Variants in AGRN observed in about 807,000 individuals in gnomAD.
The protein encoded by AGRN is agrin.
In AGRN, 106 loss-of-function variants were observed where a neutral mutation model predicts 211.0. The ratio of observed to expected loss-of-function variants is 0.50; its 90% confidence interval spans 0.43 to 0.59. The LOEUF is 0.59. AGRN is among the 20% of genes least tolerant of loss of function. The probability of loss-of-function intolerance (pLI) is 0.00; values close to 1 mark genes in which losing one functional copy is unlikely to be tolerated. For synonymous variants in AGRN, 1,525 were observed against 1,332.5 expected, an observed-to-expected ratio of 1.14 and a Z score of -3.15; for missense variants, 3,040 against 2,982.6, an observed-to-expected ratio of 1.02 and a Z score of -0.45.
chr1:1,051,400 C>G, intron 31 of AGRN, 31 bp downstream of exon 31: 1 of 1,547,762 alleles, frequency 6.5e-7, no homozygotes, highest in Non-Finnish European at 8.7e-7. Context: ...CCAGCAGGGC[C>G]TCCGGGGCGG....
Position 1,055,209 on chromosome 1 carries a change from C to A in AGRN, c.*228C>A, listed in dbSNP as rs1355716098. 7.5e-6 allele frequency: 5 copies of A among 670,708 alleles called. No homozygotes were observed. The highest frequency in any genetic ancestry group is 1.8e-5 in the African/African-American group (1 of 55,972). The allele number at this position is 670,708 out of a possible 1,614,324, so 41.5% of individuals were successfully genotyped here. On this transcript the variant is annotated 3_prime_UTR_variant, in exon 36 of 36. Coordinates refer to ENST00000379370, the MANE Select transcript of AGRN (RefSeq NM_198576.4). ...GGCAGCCTCAGGACACACACCCCTGCCTCAAGGTGCTGAGCCCCCGCCTTG... is the reference window on the plus strand; with the variant it reads ...GGCAGCCTCAGGACACACACCCCTGACTCAAGGTGCTGAGCCCCCGCCTTG...
At chr1:1,047,289 C>T in intron 19 of AGRN, 38 bp from the exon 20 acceptor site, 2 of 1,564,104 alleles carry the variant, frequency 1.3e-6, no homozygotes, top group Non-Finnish European at 1.7e-6. Context: ...GGATGCCAGG[C>T]AGATGCCAGG....
intron 2 of AGRN, 93 bp from the exon 3 acceptor site, chr1:1,035,184 G>A (rs1356116683): frequency 1.2e-5 from 13 of 1,101,220 alleles, no homozygotes; most frequent in Non-Finnish European, 1.4e-5. Flanking sequence ...GGGGGGGGGT[G>A]GGCAGGGGTG....
chr1:1,029,783 T>TCAG (rs1644613733), intron 2 of AGRN, among the ~76,000 whole-genome samples: 1 of 66,896 alleles, frequency 1.5e-5, no homozygotes, highest in Non-Finnish European at 3.1e-5. Context: ...GAGTGTGAGA[T>TCAG]CGTGTGTGTG....
At chr1:1,023,452 T>A (rs1340641761) in intron 2 of AGRN, among the ~76,000 whole-genome samples, 1 of 152,138 alleles carries the variant, frequency 6.6e-6, no homozygotes, top group Admixed American at 6.5e-5. Context: ...AGGGCCTCAG[T>A]GCAGCACAGA....
At position 1,049,281 on chromosome 1, in the gene AGRN, G is replaced by A. The variant is rs1321979292; in HGVS notation, c.4344G>A (p.Pro1448=). ...SGPAVLTSAV[P]VEPGQWHRLE... Reference sequence around the variant, plus strand: ...CGGCGGTGCTGACCAGTGCCGTGCCGGTAGAGCCGGGCCAGTGGCACCGCC... The same window carrying A: ...CGGCGGTGCTGACCAGTGCCGTGCCAGTAGAGCCGGGCCAGTGGCACCGCC... Residue 1448 remains proline, a synonymous_variant, in exon 25 of 36, where the codon CCG becomes CCA. Transcript: ENST00000379370. 1.8e-5 allele frequency: 29 copies of A among 1,596,024 alleles called. No individual in the cohort carries two copies. The highest frequency in any genetic ancestry group is 1.7e-4 in the Middle Eastern group (1 of 6,050).
rs75774767 is a variant in AGRN at position 1,045,393 on chromosome 1, C to A, written c.2406C>A (p.Gly802=). ...AGTGCAACCCCCATGGCTCTTACGG[C>A]GGCACCTGTGACCCAGCCACAGGCC... ...ACQCNPHGSY[G]GTCDPATGQC... The change falls in exon 14 of 36, where the codon GGC becomes GGA. Residue 802 remains glycine, a synonymous_variant. Transcript: ENST00000379370. The A allele has an allele frequency of 6.2e-7, 1 of 1,610,942 alleles. No individual in the cohort carries two copies. Among genetic ancestry groups the A allele is most frequent in the Non-Finnish European group, 8.5e-7 (1 of 1,179,730 alleles).
chr1:1,045,979 C>T lies in AGRN; in HGVS notation c.2696C>T (p.Ala899Val), dbSNP rs201460027. Residue 899 changes from alanine to valine, a missense_variant, in exon 16 of 36, where the codon GCG (alanine) becomes GTG (valine). Around this residue, in one of 3 missense-constraint regions of AGRN, gnomAD observed 1,498 missense variants for 1,457.8 expected, o/e 1.03. Transcript: ENST00000379370. The part of the protein sequence containing the change: ...AGCEADASAP[A>V]TCAEMRCEFG... ...CGTGCCCCAGACGCTTCTGCGCCTGCGACCTGTGCGGAGATGCGCTGTGAG... is the reference window on the plus strand; with the variant it reads ...CGTGCCCCAGACGCTTCTGCGCCTGTGACCTGTGCGGAGATGCGCTGTGAG... 1.5e-5 allele frequency: 25 copies of T among 1,613,682 alleles called. No individual in the cohort carries two copies. Among genetic ancestry groups the T allele is most frequent in the South Asian group, 4.4e-5 (4 of 91,092 alleles).
chr1:1,041,973 T>C lies in AGRN; in HGVS notation c.1195T>C (p.Cys399Arg). The change falls in exon 7 of 36, where the codon TGC becomes CGC. Residue 399 changes from cysteine to arginine, a missense_variant. Cys to Arg is a radical substitution (Grantham distance 180). Coordinates refer to ENST00000379370, the MANE Select transcript of AGRN (RefSeq NM_198576.4). ...CGTCCTAGACCAGTGCCCGGAGCCCTGCCGGTTCAATGCCGTGTGCCTGTC... is the reference window on the plus strand; with the variant it reads ...CGTCCTAGACCAGTGCCCGGAGCCCCGCCGGTTCAATGCCGTGTGCCTGTC... ...CQGRDQCPEP[C>R]RFNAVCLSRR... 6.2e-7 allele frequency: 1 copy of C among 1,611,808 alleles called. No individual in the cohort carries two copies. The highest frequency in any genetic ancestry group is 8.5e-7 in the Non-Finnish European group (1 of 1,179,644).
At chr1:1,040,377 GTGCCGCC>G (rs1253670128) in intron 3 of AGRN, among the ~76,000 whole-genome samples, 1 of 152,224 alleles carries the variant, frequency 6.6e-6, no homozygotes, top group Non-Finnish European at 1.5e-5. Context: ...ACAGAGTCGG[GTGCCGCC>G]TGCGGCAGAC....
Position 1,043,677 on chromosome 1 carries a change from C to T in AGRN, c.1743C>T (p.His581=), listed in dbSNP as rs201239522. 53 of 1,600,666 alleles carry T rather than the reference C, an allele frequency of 3.3e-5. No homozygotes were observed. Among genetic ancestry groups the T allele is most frequent in the African/African-American group, 1.5e-4 (11 of 74,916 alleles). Residue 581 remains histidine, a synonymous_variant, in exon 9 of 36, where the codon CAC becomes CAT. Transcript: ENST00000379370. The part of the protein sequence containing the change: ...GHTYPSECML[H]VHACTHQISL... ...CGTACCCCAGCGAGTGCATGCTGCACGTGCACGCCTGCACACACCAGATCA... is the reference window on the plus strand; with the variant it reads ...CGTACCCCAGCGAGTGCATGCTGCATGTGCACGCCTGCACACACCAGATCA...
Position 1,041,650 on chromosome 1 carries a change from C to G in AGRN, c.1125C>G (p.Ala375=). ...ENDCVMGRSG[A]ARGLLLQKVR... ...ACTGTGTCATGGGCCGATCGGGGGC[C>G]GCCCGGGGTCTCCTCCTGCAGAAAG... The change falls in exon 6 of 36, where the codon GCC becomes GCG. Residue 375 remains alanine, a synonymous_variant. Coordinates refer to ENST00000379370, the MANE Select transcript of AGRN (RefSeq NM_198576.4). 6.2e-7 allele frequency: 1 copy of G among 1,611,116 alleles called. No homozygotes were observed. Among genetic ancestry groups the G allele is most frequent in the Non-Finnish European group, 8.5e-7 (1 of 1,179,116 alleles).
In AGRN at chr1:1,050,518, T is replaced by C; in HGVS notation, c.5068T>C (p.Phe1690Leu). The part of the protein sequence containing the change: ...NGQKTDGKGD[F>L]VSLALRDRRL... ...GCAGAAGACGGACGGCAAGGGGGAC[T>C]TCGTGTCGCTGGCACTGCGGGACCG... The change falls in exon 29 of 36, where the codon TTC becomes CTC. Residue 1690 changes from phenylalanine to leucine, a missense_variant. Transcript: ENST00000379370. 1.9e-6 allele frequency: 3 copies of C among 1,612,834 alleles called. No individual in the cohort carries two copies. The highest frequency in any genetic ancestry group is 1.7e-6 in the Non-Finnish European group (2 of 1,179,864).
At chr1:1,053,273 C>G (rs181385501) in intron 33 of AGRN, 1 of 396,242 alleles carries the variant, frequency 2.5e-6, no homozygotes, top group African/African-American at 2.5e-5. Flanking sequence ...TGCACCCTCA[C>G]GTGTCTCGTG....
intron 30 of AGRN, 134 bp from the exon 31 acceptor site, chr1:1,051,119 C>G (rs1292261712): frequency 7.2e-6 from 11 of 1,532,534 alleles, no homozygotes; most frequent in South Asian, 1.2e-5. Context: ...ACTAAGGACC[C>G]TGCCATTTCT....
chr1:1,046,812 C>G lies in AGRN; in HGVS notation c.3251-8C>G. 6.3e-7 allele frequency: 1 copy of G among 1,578,122 alleles called. No homozygotes were observed. The highest frequency in any genetic ancestry group is 8.6e-7 in the Non-Finnish European group (1 of 1,166,658). ...ACCAGAGCCTGGGCTCAGAGCGCGT[C>G]TCCCCAGGGCTCGAGCCCTTGGAGG... is the stretch of plus-strand genomic sequence containing the variant. On this transcript the variant is annotated splice_region_variant and splice_polypyrimidine_tract_variant and intron_variant, in intron 18 of 35. Transcript: ENST00000379370.
In AGRN at chr1:1,054,925, C is replaced by T. The variant is rs768371328; in HGVS notation, c.6082C>T (p.His2028Tyr). 1.3e-6 allele frequency: 2 copies of T among 1,548,824 alleles called. No homozygotes were observed. The highest frequency in any genetic ancestry group is 1.2e-5 in the South Asian group (1 of 84,042). Reference sequence around the variant, plus strand: ...CGTGGTGGTGGGCCGGCACCCGCTGCACCTGCTGGAGGACGCCGTCACCAA... The same window carrying T: ...CGTGGTGGTGGGCCGGCACCCGCTGTACCTGCTGGAGGACGCCGTCACCAA... ...RDVVVGRHPL[H>Y]LLEDAVTKPE... The change falls in exon 36 of 36, where the codon CAC (histidine) becomes TAC (tyrosine). Residue 2028 changes from histidine to tyrosine, a missense_variant. Coordinates refer to ENST00000379370, the MANE Select transcript of AGRN (RefSeq NM_198576.4).
chr1:1,051,046 ACTGTC>A, intron 30 of AGRN: 1 of 1,548,740 alleles, frequency 6.5e-7, no homozygotes. Flanking sequence ...CCCGCAAGGT[ACTGTC>A]GGCCTCTCAT....
At position 1,045,892 on chromosome 1, in the gene AGRN, C is replaced by T. The variant is rs968487793; in HGVS notation, c.2680+16C>T. 22 of 1,610,122 alleles carry T rather than the reference C, an allele frequency of 1.4e-5. No homozygotes were observed. The highest frequency in any genetic ancestry group is 1.3e-5 in the African/African-American group (1 of 74,894). ...TGTGAAGCTGGTGAGTGAGGGCCAGCGCTACCCTGGGGCTTCATGGGGTGG... is the reference window on the plus strand; with the variant it reads ...TGTGAAGCTGGTGAGTGAGGGCCAGTGCTACCCTGGGGCTTCATGGGGTGG... On this transcript the variant is annotated intron_variant, in intron 15 of 35. Transcript: ENST00000379370.
Sources: allele counts gnomAD v4.1 joint callset (sites outside exome capture counted in the v4.1 genomes callset), GRCh38; gene constraint gnomAD v4.1.1; regional missense constraint gnomAD v4.1.1; transcripts MANE v1.5; gene names NCBI Gene and HGNC (gene_info 2026-07-23, HGNC 2026-07-21).